The following FBXW8 variants were observed in gnomAD, a reference collection of about 807,000 sequenced individuals.
The protein encoded by FBXW8 is F-box/WD repeat-containing protein 8.
Under a neutral mutation model 65.3 loss-of-function variants are expected in FBXW8, and 57 were observed. That is an observed-to-expected ratio of 0.87 (90% confidence interval 0.71 to 1.09). FBXW8 has a LOEUF of 1.09. Among genes scored for constraint, FBXW8 ranks in the 50% least tolerant of loss-of-function variants. FBXW8 has a pLI of 0.00. For synonymous variants in FBXW8, 308 were observed against 330.2 expected, an observed-to-expected ratio of 0.93 and a Z score of 0.73; for missense variants, 777 against 814.8, an observed-to-expected ratio of 0.95 and a Z score of 0.57.
chr12:117,014,788 G>A (rs183645598), intron 8 of FBXW8, among the ~76,000 whole-genome samples: 1 of 152,308 alleles, frequency 6.6e-6, no homozygotes, highest in East Asian at 1.9e-4. Flanking sequence ...TTGCCGTCCT[G>A]CTTTGAATCT....
intron 8 of FBXW8, among the ~76,000 whole-genome samples, chr12:117,014,664 T>G (rs1469994860): frequency 6.6e-6 from 1 of 152,232 alleles, no homozygotes; most frequent in Non-Finnish European, 1.5e-5. Context: ...TTGTGGGTGG[T>G]GACTCCAATG....
At chr12:116,945,745 T>A (rs1882889615) in intron 3 of FBXW8, among the ~76,000 whole-genome samples, 1 of 152,316 alleles carries the variant, frequency 6.6e-6, no homozygotes, top group African/African-American at 2.4e-5. Context: ...ATCCTCTTAT[T>A]CTGCAGGAGA....
At chr12:116,932,172 A>G (rs1272281052) in intron 2 of FBXW8, among the ~76,000 whole-genome samples, 4 of 152,164 alleles carry the variant, frequency 2.6e-5, no homozygotes, top group Non-Finnish European at 4.4e-5. Context: ...CGTAAGTTAA[A>G]TGGGTGTATG....
chr12:116,911,854 C>T (rs182618440), intron 1 of FBXW8, among the ~76,000 whole-genome samples: 1 of 151,894 alleles, frequency 6.6e-6, no homozygotes. Flanking sequence ...TTTTTGTAAC[C>T]GTGCACGTAT....
At chr12:117,010,856 A>G (rs1049385001) in intron 8 of FBXW8, among the ~76,000 whole-genome samples, 2 of 152,246 alleles carry the variant, frequency 1.3e-5, no homozygotes, top group African/African-American at 4.8e-5. Flanking sequence ...AACGATGTCA[A>G]GAGTGTATTT....
At chr12:116,923,092 G>C (rs1352848011) in intron 1 of FBXW8, among the ~76,000 whole-genome samples, 10 of 152,180 alleles carry the variant, frequency 6.6e-5, no homozygotes, top group African/African-American at 2.4e-4. Flanking sequence ...TGTAATCTCA[G>C]CTACTTGGGA....
chr12:117,020,916 GC>G (rs753504213), intron 8 of FBXW8, among the ~76,000 whole-genome samples: 5 of 152,236 alleles, frequency 3.3e-5, no homozygotes, highest in Admixed American at 3.3e-4. Context: ...TGAAACAGAA[GC>G]CTCTTTTGCA....
chr12:116,949,569 G>T, intron 3 of FBXW8, 49 bp from the exon 4 acceptor site: 1 of 1,554,712 alleles, frequency 6.4e-7, no homozygotes, highest in South Asian at 1.1e-5. Context: ...CTTGGCTTTC[G>T]GGCTGTCCCG....
chr12:116,926,126 A>G (rs912163633), intron 1 of FBXW8, among the ~76,000 whole-genome samples: 1 of 152,172 alleles, frequency 6.6e-6, no homozygotes, highest in Non-Finnish European at 1.5e-5. Context: ...AAAAACAAAG[A>G]TGATGATGTC....
intron 8 of FBXW8, among the ~76,000 whole-genome samples, chr12:117,011,559 A>G (rs958825909): frequency 6.6e-6 from 1 of 152,184 alleles, no homozygotes; most frequent in African/African-American, 2.4e-5. Context: ...ACTAGGCTTG[A>G]TAAGTGGCCC....
chr12:116,997,893 A>G (rs1224431419), intron 7 of FBXW8, among the ~76,000 whole-genome samples: 1 of 152,132 alleles, frequency 6.6e-6, no homozygotes, highest in East Asian at 1.9e-4. Context: ...TCAGCTCACT[A>G]CAACCTCTGC....
chr12:117,026,458 C>T (rs529915069), intron 9 of FBXW8, among the ~76,000 whole-genome samples: 2 of 152,304 alleles, frequency 1.3e-5, no homozygotes, highest in South Asian at 4.1e-4. Flanking sequence ...ATGCCAGGTC[C>T]ACCAACACTT....
chr12:116,976,901 T>C (rs1884981911), intron 5 of FBXW8, among the ~76,000 whole-genome samples: 1 of 151,902 alleles, frequency 6.6e-6, no homozygotes, highest in Admixed American at 6.6e-5. Flanking sequence ...TTTCAGGGGG[T>C]AATCAAAAAA....
intron 5 of FBXW8, 72 bp downstream of exon 5, chr12:116,964,926 G>T (rs1884222153): frequency 2.7e-6 from 4 of 1,473,972 alleles, no homozygotes; most frequent in Non-Finnish European, 3.6e-6. Flanking sequence ...GCTGTGGCCG[G>T]CTCCCCCCTG....
chr12:117,007,890 T>G (rs764844529), intron 7 of FBXW8, among the ~76,000 whole-genome samples: 2 of 152,118 alleles, frequency 1.3e-5, no homozygotes, highest in Non-Finnish European at 2.9e-5. Context: ...AAGAACTGCC[T>G]TTGAGATGGG....
At chr12:117,003,248 A>G (rs1953583174) in intron 7 of FBXW8, 2 of 152,238 alleles carry the variant, frequency 1.3e-5, no homozygotes, top group Admixed American at 1.3e-4. Context: ...GCAGACATGT[A>G]CAGTGTGTAT....
Position 116,953,485 on chromosome 12 carries a change from C to T in FBXW8, c.677+3779C>T, listed in dbSNP as rs145170560. On this transcript the variant is annotated intron_variant, in intron 4 of 10. Transcript: ENST00000652555. Reference sequence around the variant, plus strand: ...GCATGTGTCTATTTAAAAACAAAAGCAGCCGGCTGGGCGCGGTGGCTCACG... The same window carrying T: ...GCATGTGTCTATTTAAAAACAAAAGTAGCCGGCTGGGCGCGGTGGCTCACG... 1.6e-4 allele frequency among the ~76,000 whole-genome samples: 24 copies of T among 152,280 alleles called. No homozygotes were observed. In the East Asian group the frequency reaches 4.6e-3, roughly 29 times the overall value.
At chr12:116,944,610 C>T (rs1001821104) in intron 2 of FBXW8, among the ~76,000 whole-genome samples, 1 of 152,198 alleles carries the variant, frequency 6.6e-6, no homozygotes, top group Non-Finnish European at 1.5e-5. Flanking sequence ...ATCAGTTTCT[C>T]ATCTGCCAAC....
At chr12:117,010,479 C>A in intron 8 of FBXW8, 29 bp downstream of exon 8, 1 of 1,614,018 alleles carries the variant, frequency 6.2e-7, no homozygotes, top group Non-Finnish European at 8.5e-7. Context: ...CATTGCCTTG[C>A]AGCCCCATGG....
Sources: gnomAD v4.1 joint callset for allele counts (sites outside exome capture counted in the v4.1 genomes callset) on GRCh38, gnomAD v4.1.1 for gene constraint, MANE v1.5 for transcripts, NCBI Gene and HGNC (gene_info 2026-07-23, HGNC 2026-07-21) for gene names.